The following NYX variants were observed in gnomAD, a reference collection of about 807,000 sequenced individuals.
The protein encoded by NYX is leucine-rich repeat protein.
For synonymous variants in NYX, 258 were observed against 245.7 expected, an observed-to-expected ratio of 1.05 and a Z score of -0.47; for missense variants, 481 against 485.4, an observed-to-expected ratio of 0.99 and a Z score of 0.09.
chrX:41,449,842 A>C (rs1215250820), intron 2 of NYX, among the ~76,000 whole-genome samples: 2 of 111,665 alleles, frequency 1.8e-5, no homozygotes, highest in South Asian at 7.4e-4. Flanking sequence ...CCATCTCCAC[A>C]TCCCCTGGCA....
At chrX:41,473,466 A>T (rs2064370593) in intron 2 of NYX, 25 bp from the exon 3 acceptor site, 1 of 956,748 alleles carries the variant, frequency 1.0e-6, no homozygotes, top group Admixed American at 6.1e-5. Context: ...CTCCTTCCCG[A>T]CTCCCCACCA....
chrX:41,458,588 C>A (rs1416264136), intron 2 of NYX, among the ~76,000 whole-genome samples: 2 of 109,855 alleles, frequency 1.8e-5, no homozygotes, highest in African/African-American at 3.3e-5. Context: ...GCCCCTCTCC[C>A]CCTGAGTAGC....
chrX:41,475,172 C>T lies in NYX; in HGVS notation c.*273C>T, dbSNP rs1319211242. The T allele has an allele frequency of 2.5e-6, 1 of 399,394 alleles. No individual in the cohort carries two copies. Among genetic ancestry groups the T allele is most frequent in the Non-Finnish European group, 4.4e-6 (1 of 228,020 alleles). 32.9% of individuals were successfully genotyped at this position (399,394 alleles called of 1,213,427 possible). A position where few individuals can be genotyped will look rare whatever the true frequency, so the allele number is the denominator to read the frequency against. On this transcript the variant is annotated 3_prime_UTR_variant, in exon 3 of 3. Transcript: ENST00000378220. ...TGGGAAGACTAGGAATCGGAAGCTT[C>T]TAGGGCTTCACATCCCTTCCCCTCC...
At chrX:41,457,826 C>T (rs762222983) in intron 2 of NYX, among the ~76,000 whole-genome samples, 23 of 111,406 alleles carry the variant, frequency 2.1e-4, no homozygotes, top group Admixed American at 1.9e-3. Context: ...CAGTGGCTGG[C>T]AACACCTGCT....
chrX:41,466,672 G>A (rs1376333310), intron 2 of NYX, among the ~76,000 whole-genome samples: 5 of 105,824 alleles, frequency 4.7e-5, no homozygotes, highest in African/African-American at 1.7e-4. Flanking sequence ...CAATTTTCCT[G>A]CCTCAGCCTC....
rs757878772 is a variant in NYX, at chrX:41,453,150, A to G, written c.22+5224A>G. ...TCTCAGTCTGTGGTTGGAAACACCA[A>G]GTAGCTGTTCTCCTAGCAAACCTCA... On this transcript the variant is annotated intron_variant, in intron 2 of 2. Transcript: ENST00000378220. Among the ~76,000 whole-genome samples, 5 of 112,583 alleles carry G rather than the reference A, an allele frequency of 4.4e-5. No homozygotes were observed. In the East Asian group the frequency reaches 1.4e-3, roughly 31 times the overall value.
intron 2 of NYX, among the ~76,000 whole-genome samples, chrX:41,463,019 T>C (rs978955017): frequency 4.3e-5 from 4 of 93,432 alleles, no homozygotes; most frequent in African/African-American, 1.4e-4. Flanking sequence ...CTTCTCTCTC[T>C]CTTTTTTTTT....
Position 41,468,264 on chromosome X carries a change from T to A in NYX, c.23-5227T>A, listed in dbSNP as rs57931365. On this transcript the variant is annotated intron_variant, in intron 2 of 2. Transcript: ENST00000378220. ...CAAATTGGTTGTATCCTGACTGTTGTAATCCCAGGAGTTCCTTGACAAATA... is the reference window on the plus strand; with the variant it reads ...CAAATTGGTTGTATCCTGACTGTTGAAATCCCAGGAGTTCCTTGACAAATA... Among the ~76,000 whole-genome samples, 4 of 108,826 alleles carry A rather than the reference T, an allele frequency of 3.7e-5. No individual in the cohort carries two copies. In the East Asian group the frequency reaches 1.2e-3, roughly 31 times the overall value. The allele number at this position is 108,826 out of a possible 115,157, so 94.5% of individuals were successfully genotyped here. A position where few individuals can be genotyped will look rare whatever the true frequency, so the allele number is the denominator to read the frequency against.
At chrX:41,455,990 T>C (rs189064035) in intron 2 of NYX, among the ~76,000 whole-genome samples, 140 of 111,206 alleles carry the variant, frequency 1.3e-3, no homozygotes, top group African/African-American at 4.3e-3. Flanking sequence ...CAGTTTCCTT[T>C]TGGTTGAGGG....
chrX:41,458,877 C>T (rs1391800515), intron 2 of NYX, among the ~76,000 whole-genome samples: 2 of 99,850 alleles, frequency 2.0e-5, no homozygotes, highest in East Asian at 6.5e-4. Flanking sequence ...GTCAGGAGTT[C>T]GAGACCAGCC....
At chrX:41,450,828 ATTTTTTTT>A (rs745395959) in intron 2 of NYX, among the ~76,000 whole-genome samples, 18,366 of 68,124 alleles carry the variant, frequency 0.27, 2,111 homozygotes, top group East Asian at 0.44. Context: ...ATATATATAT[ATTTTTTTT>A]TTTTTTTTTT....
rs2064386370 is a variant in NYX at position 41,475,187 on chromosome X, C to G, written c.*288C>G. 1 of 378,455 alleles carries G rather than the reference C, an allele frequency of 2.6e-6. No individual in the cohort carries two copies. Among genetic ancestry groups the G allele is most frequent in the African/African-American group, 2.5e-5 (1 of 39,752 alleles). The allele number at this position is 378,455 out of a possible 1,213,427, so 31.2% of individuals were successfully genotyped here. ...TCGGAAGCTTCTAGGGCTTCACATC[C>G]CTTCCCCTCCCCTCCCCTTCCCCTC... On this transcript the variant is annotated 3_prime_UTR_variant, in exon 3 of 3. Transcript: ENST00000378220.
intron 2 of NYX, among the ~76,000 whole-genome samples, 164 bp from the exon 3 acceptor site, chrX:41,473,325 CGG>C (rs2147025086): frequency 9.0e-6 from 1 of 110,917 alleles, no homozygotes; most frequent in East Asian, 2.9e-4. Flanking sequence ...TGTGAGGCCG[CGG>C]AGGTGGGAAG....
intron 2 of NYX, among the ~76,000 whole-genome samples, chrX:41,459,477 G>T (rs770399763): frequency 9.1e-6 from 1 of 109,993 alleles, no homozygotes; most frequent in Non-Finnish European, 1.9e-5. Context: ...AAATTATCTG[G>T]GTGTGGTGGT....
At chrX:41,463,352 C>T (rs1355854638) in intron 2 of NYX, among the ~76,000 whole-genome samples, 2 of 111,223 alleles carry the variant, frequency 1.8e-5, no homozygotes, top group Non-Finnish European at 3.8e-5. Context: ...TTAAACTCCA[C>T]AATACATTGT....
At chrX:41,463,377 A>G (rs1436803427) in intron 2 of NYX, among the ~76,000 whole-genome samples, 8 of 110,554 alleles carry the variant, frequency 7.2e-5, no homozygotes, top group African/African-American at 2.3e-4. Flanking sequence ...TTTGTTTTAA[A>G]TAGTCACTTG....
chrX:41,474,948 T>A lies in NYX; in HGVS notation c.*49T>A. 9.3e-7 allele frequency: 1 copy of A among 1,079,408 alleles called. No homozygotes were observed. The highest frequency in any genetic ancestry group is 1.3e-6 in the Non-Finnish European group (1 of 789,166). 89.0% of individuals were successfully genotyped at this position (1,079,408 alleles called of 1,213,427 possible). A position where few individuals can be genotyped will look rare whatever the true frequency, so the allele number is the denominator to read the frequency against. Reference sequence around the variant, plus strand: ...GCTTAACTGGGCTTGAGTGTGTTTGTGGTAAGGGGAGAGGAGCCGGAATGG... The same window carrying A: ...GCTTAACTGGGCTTGAGTGTGTTTGAGGTAAGGGGAGAGGAGCCGGAATGG... On this transcript the variant is annotated 3_prime_UTR_variant, in exon 3 of 3. Coordinates refer to ENST00000378220, the MANE Select transcript of NYX (RefSeq NM_001378477.3).
At chrX:41,448,027 T>C in intron 2 of NYX, 101 bp downstream of exon 2, 1 of 790,794 alleles carries the variant, frequency 1.3e-6, no homozygotes, top group Admixed American at 2.6e-5. Flanking sequence ...GACAGCGGTA[T>C]CTGGACACTT....
chrX:41,468,539 C>T (rs993482071), intron 2 of NYX, among the ~76,000 whole-genome samples: 5 of 111,946 alleles, frequency 4.5e-5, no homozygotes, highest in African/African-American at 1.6e-4. Flanking sequence ...GATCTGCACG[C>T]CTTGGCCTCC....
Sources: gnomAD v4.1 joint callset for allele counts (sites outside exome capture counted in the v4.1 genomes callset) on GRCh38, gnomAD v4.1.1 for gene constraint, MANE v1.5 for transcripts, NCBI Gene and HGNC (gene_info 2026-07-23, HGNC 2026-07-21) for gene names.